Variants in VPS13A observed in about 807,000 individuals in gnomAD.
VPS13A encodes intermembrane lipid transfer protein VPS13A.
A neutral mutation model predicts 390.9 loss-of-function variants in VPS13A; 264 were observed. The ratio of observed to expected loss-of-function variants is 0.68; its 90% CI spans 0.61 to 0.75. The LOEUF (loss-of-function observed/expected upper bound fraction) is 0.75, where lower values mean the gene tolerates loss of function less well. Among genes scored for constraint, VPS13A ranks in the 30% least tolerant of loss-of-function variants. The pLI is 0.00. For synonymous variants in VPS13A, 1,231 were observed against 1,227.1 expected (o/e 1.00, Z -0.07); for missense variants, 3,409 against 3,733.9 (o/e 0.91, Z 2.27).
intron 23 of VPS13A, among the ~76,000 whole-genome samples, chr9:77,267,416 C>G (rs1826097030): frequency 6.6e-6 from 1 of 152,186 alleles, no homozygotes; most frequent in African/African-American, 2.4e-5. Context: ...TTCTAACAGT[C>G]AGACCCCTTT....
In VPS13A at chr9:77,370,348, T is replaced by G. The variant is rs910324627; in HGVS notation, c.8743+16T>G. 2 of 1,614,016 alleles carry G rather than the reference T, an allele frequency of 1.2e-6. No individual in the cohort carries two copies. Among genetic ancestry groups the G allele is most frequent in the Admixed American group, 3.3e-5 (2 of 59,998 alleles). ...GGAGCTGTTGGTAAGAAACAGAATA[T>G]CTACCAAGTATTTTTGTGCTAGAAA... On this transcript the variant is annotated intron_variant, in intron 64 of 71. Coordinates refer to ENST00000360280, the MANE Select transcript of VPS13A (RefSeq NM_033305.3).
intron 33 of VPS13A, among the ~76,000 whole-genome samples, chr9:77,302,548 T>G (rs1250672552): frequency 6.6e-6 from 1 of 151,668 alleles, no homozygotes; most frequent in Non-Finnish European, 1.5e-5. Flanking sequence ...AATTTTTGTA[T>G]TTTTAGTAGA....
intron 33 of VPS13A, among the ~76,000 whole-genome samples, chr9:77,299,586 C>T (rs553028731): frequency 7.9e-5 from 12 of 152,212 alleles, no homozygotes; most frequent in East Asian, 5.8e-4. Context: ...ATATACCCAA[C>T]GGATTATGAA....
At chr9:77,251,135 T>C (rs2377903) in intron 21 of VPS13A, among the ~76,000 whole-genome samples, 43,271 of 152,118 alleles carry the variant, frequency 0.28, 6,441 homozygotes, top group Middle Eastern at 0.36. Flanking sequence ...GGATAGTGAA[T>C]GTAGTTTGTA....
At chr9:77,275,981 C>A in intron 25 of VPS13A, 84 bp from the exon 26 acceptor site, 2 of 1,376,796 alleles carry the variant, frequency 1.5e-6, no homozygotes, top group Admixed American at 1.7e-5. Flanking sequence ...GTATGTATAC[C>A]TCATATATTC....
intron 27 of VPS13A, among the ~76,000 whole-genome samples, chr9:77,281,046 C>G (rs1198001108): frequency 6.6e-6 from 1 of 151,854 alleles, no homozygotes; most frequent in Non-Finnish European, 1.5e-5. Flanking sequence ...AGACAAATAC[C>G]TCATGATCTT....
intron 68 of VPS13A, among the ~76,000 whole-genome samples, chr9:77,390,435 C>T (rs994251939): frequency 6.6e-6 from 1 of 151,948 alleles, no homozygotes; most frequent in Non-Finnish European, 1.5e-5. Flanking sequence ...TAGTGTGTAC[C>T]ACTATATTTT....
chr9:77,186,095 G>A (rs1197064155), intron 1 of VPS13A, among the ~76,000 whole-genome samples: 1 of 152,174 alleles, frequency 6.6e-6, no homozygotes, highest in African/African-American at 2.4e-5. Context: ...TCTAGCCTGG[G>A]CGACAGTGCG....
chr9:77,338,067 C>G (rs537660149), intron 47 of VPS13A: 1 of 152,634 alleles, frequency 6.6e-6, no homozygotes, highest in Non-Finnish European at 1.5e-5. Flanking sequence ...TCTCAAACTT[C>G]TAGGCTCAAG....
At chr9:77,217,702 C>T (rs1007220632) in intron 10 of VPS13A, among the ~76,000 whole-genome samples, 2 of 151,686 alleles carry the variant, frequency 1.3e-5, no homozygotes, top group Admixed American at 6.6e-5. Context: ...GTCCGGTTAC[C>T]TGTTGATGGA....
chr9:77,369,519 C>A, intron 63 of VPS13A, 107 bp downstream of exon 63: 1 of 806,316 alleles, frequency 1.2e-6, no homozygotes, highest in Non-Finnish European at 2.2e-6. Context: ...GATTTTGGAA[C>A]ACACACAAAA....
chr9:77,367,994 A>T, intron 61 of VPS13A, 61 bp from the exon 62 acceptor site: 3 of 1,392,556 alleles, frequency 2.2e-6, no homozygotes, highest in Non-Finnish European at 2.0e-6. Flanking sequence ...GCCACTCATT[A>T]ATATTAAAAA....
intron 8 of VPS13A, 93 bp downstream of exon 8, chr9:77,213,121 C>A: frequency 6.4e-7 from 1 of 1,557,188 alleles, no homozygotes; most frequent in Non-Finnish European, 8.8e-7. Flanking sequence ...GTGAATTTTG[C>A]TTATTTGTTT....
At chr9:77,343,474 T>C (rs1830952633) in intron 50 of VPS13A, among the ~76,000 whole-genome samples, 1 of 152,218 alleles carries the variant, frequency 6.6e-6, no homozygotes, top group Non-Finnish European at 1.5e-5. Flanking sequence ...GGGCCTAAGA[T>C]GGAGTTGACT....
At chr9:77,403,748 C>T (rs1371731079) in intron 69 of VPS13A, among the ~76,000 whole-genome samples, 1 of 152,110 alleles carries the variant, frequency 6.6e-6, no homozygotes, top group Non-Finnish European at 1.5e-5. Flanking sequence ...GTGGATACTC[C>T]AGCGACTTCT....
At chr9:77,381,926 A>T (rs1175044302) in intron 67 of VPS13A, 50 bp from the exon 68 acceptor site, 2 of 1,225,104 alleles carry the variant, frequency 1.6e-6, no homozygotes. Flanking sequence ...TAGTTTATTT[A>T]CAAGTTTTTG....
At chr9:77,269,174 C>T (rs149977492) in intron 23 of VPS13A, among the ~76,000 whole-genome samples, 13 of 151,978 alleles carry the variant, frequency 8.6e-5, no homozygotes, top group African/African-American at 3.1e-4. Flanking sequence ...AGATTTTTCC[C>T]TATGTTTTTT....
intron 69 of VPS13A, among the ~76,000 whole-genome samples, chr9:77,403,957 G>A (rs556208338): frequency 6.6e-6 from 1 of 152,204 alleles, no homozygotes; most frequent in Non-Finnish European, 1.5e-5. Flanking sequence ...GTCAATCTAT[G>A]GTTTTGTTCA....
chr9:77,267,883 A>G (rs970541596), intron 23 of VPS13A, among the ~76,000 whole-genome samples: 4 of 152,206 alleles, frequency 2.6e-5, no homozygotes, highest in Admixed American at 1.3e-4. Context: ...AGGAGTCTAG[A>G]GAGGCAGTCT....
Sources: gnomAD v4.1 joint callset for allele counts (sites outside exome capture counted in the v4.1 genomes callset) on GRCh38, gnomAD v4.1.1 for gene constraint, MANE v1.5 for transcripts, NCBI Gene and HGNC (gene_info 2026-07-23, HGNC 2026-07-21) for gene names.